WAC: variants seen among roughly 807,000 people sequenced by gnomAD.
The protein encoded by WAC is WW domain containing adaptor with coiled-coil, also known as WW domain-containing adapter protein with coiled-coil.
In WAC, 11 loss-of-function variants were observed where a neutral mutation model predicts 79.6. That is an observed-to-expected ratio of 0.14 (90% confidence interval 0.09 to 0.23). The LOEUF is 0.23. Ranked by LOEUF, WAC falls within the 10% of genes least tolerant of loss-of-function variation. WAC has a pLI of 1.00. For missense variants in WAC, 728 were observed against 773.5 expected (o/e 0.94, Z 0.70); for synonymous variants, 304 against 276.9 (o/e 1.10, Z -0.97).
chr10:28,535,480 A>G, intron 2 of WAC, 82 bp from the exon 3 acceptor site: 2 of 1,427,374 alleles, frequency 1.4e-6, no homozygotes, highest in Admixed American at 2.4e-5. Context: ...TTTAATGATA[A>G]TACACCAAAG....
intron 6 of WAC, among the ~76,000 whole-genome samples, chr10:28,593,006 A>G (rs983011671): frequency 1.3e-5 from 2 of 152,172 alleles, no homozygotes; most frequent in African/African-American, 4.8e-5. Flanking sequence ...GCCTTTTCCT[A>G]CTGTAAACAA....
intron 3 of WAC, among the ~76,000 whole-genome samples, chr10:28,580,707 T>C (rs1839490336): frequency 6.6e-6 from 1 of 152,218 alleles, no homozygotes; most frequent in Non-Finnish European, 1.5e-5. Context: ...CTACTTCTTA[T>C]ATTCAGTTGT....
chr10:28,601,064 G>A (rs189833540), intron 7 of WAC, among the ~76,000 whole-genome samples: 7 of 152,042 alleles, frequency 4.6e-5, no homozygotes, highest in Non-Finnish European at 7.4e-5. Flanking sequence ...CAGAGCACAG[G>A]CAACAAAAGA....
chr10:28,604,442 TACA>T (rs144287182), intron 7 of WAC, among the ~76,000 whole-genome samples: 2,066 of 152,100 alleles, frequency 0.014, 64 homozygotes, highest in East Asian at 0.11. Context: ...CAGAGAAAAG[TACA>T]ACAAGGCCCG....
Position 28,578,083 on chromosome 10 carries a change from C to T in WAC, c.275-5316C>T, listed in dbSNP as rs180805194. ...CTGAGGCACAAGGATCTCTTGAGCCCGGGAGGCAGAGGTTGCAGTGAGTCA... is the reference window on the plus strand; with the variant it reads ...CTGAGGCACAAGGATCTCTTGAGCCTGGGAGGCAGAGGTTGCAGTGAGTCA... On this transcript the variant is annotated intron_variant, in intron 3 of 13. Coordinates refer to ENST00000354911, the MANE Select transcript of WAC (RefSeq NM_016628.5). Among the ~76,000 whole-genome samples the T allele has an allele frequency of 4.2e-3, 639 of 152,194 alleles. 8 individuals are homozygous for T. Among genetic ancestry groups the T allele is most frequent in the Admixed American group, 6.0e-3 (92 of 15,284 alleles).
chr10:28,616,478 C>T, intron 12 of WAC, 116 bp downstream of exon 12: 1 of 891,686 alleles, frequency 1.1e-6, no homozygotes, highest in South Asian at 2.9e-5. Flanking sequence ...AATAATGAAT[C>T]TCTAACTTTG....
chr10:28,580,359 A>G (rs191150081), intron 3 of WAC, among the ~76,000 whole-genome samples: 5 of 152,340 alleles, frequency 3.3e-5, no homozygotes, highest in African/African-American at 7.2e-5. Flanking sequence ...ACTAAAGCGG[A>G]GTGAATTTCT....
chr10:28,566,476 G>T (rs1359871029), intron 3 of WAC, among the ~76,000 whole-genome samples: 1 of 152,168 alleles, frequency 6.6e-6, no homozygotes, highest in Non-Finnish European at 1.5e-5. Context: ...GCTGGATTTG[G>T]TGTACACTGT....
At chr10:28,605,019 T>G (rs993856453) in intron 7 of WAC, among the ~76,000 whole-genome samples, 1 of 152,216 alleles carries the variant, frequency 6.6e-6, no homozygotes, top group African/African-American at 2.4e-5. Context: ...ATAAGAAATA[T>G]GTAAATAACT....
At chr10:28,541,415 G>GTTTTTTTTTTTTTTTTTTT (rs143772149) in intron 3 of WAC, among the ~76,000 whole-genome samples, 5 of 37,904 alleles carry the variant, frequency 1.3e-4, no homozygotes, top group Non-Finnish European at 1.7e-4. Context: ...GTGTGTGTGT[G>GTTTTTTTTTTTTTTTTTTT]TTTTGTTTTT....
At chr10:28,581,123 G>A (rs1332094668) in intron 3 of WAC, among the ~76,000 whole-genome samples, 1 of 151,406 alleles carries the variant, frequency 6.6e-6, no homozygotes, top group African/African-American at 2.4e-5. Flanking sequence ...GATTTGGTGA[G>A]TTATATAGGT....
chr10:28,535,355 G>T, intron 2 of WAC: 21 of 372,850 alleles, frequency 5.6e-5, no homozygotes, highest in Non-Finnish European at 7.7e-5. Flanking sequence ...TGTTTAGTGT[G>T]ATTTGTTATC....
At chr10:28,584,653 C>G (rs933722445) in intron 4 of WAC, among the ~76,000 whole-genome samples, 26 of 152,090 alleles carry the variant, frequency 1.7e-4, no homozygotes, top group African/African-American at 6.3e-4. Context: ...TTTGAGTGAT[C>G]ATCATGTCTT....
chr10:28,621,757 A>G lies in WAC; in HGVS notation c.*2151A>G, dbSNP rs189723466. On this transcript the variant is annotated 3_prime_UTR_variant, in exon 14 of 14. Coordinates refer to ENST00000354911, the MANE Select transcript of WAC (RefSeq NM_016628.5). ...TGTGATTTAGGTAAATTTGAATTTG[A>G]TTTGCTTATAGTCTACTGGTCTGTG... 2.0e-5 allele frequency: 3 copies of G among 152,278 alleles called. No homozygotes were observed. The highest frequency in any genetic ancestry group is 4.4e-5 in the Non-Finnish European group (3 of 68,024). The allele number at this position is 152,278 out of a possible 1,614,324, so 9.4% of individuals were successfully genotyped here.
At chr10:28,603,206 C>T (rs376316180) in intron 7 of WAC, among the ~76,000 whole-genome samples, 3 of 152,098 alleles carry the variant, frequency 2.0e-5, no homozygotes, top group Non-Finnish European at 4.4e-5. Context: ...TTGGTCCACA[C>T]GTAAAATAAA....
At chr10:28,575,329 T>C (rs1287779068) in intron 3 of WAC, among the ~76,000 whole-genome samples, 2 of 152,198 alleles carry the variant, frequency 1.3e-5, no homozygotes, top group Non-Finnish European at 2.9e-5. Context: ...CAATGTTTTG[T>C]TTGTATATAT....
intron 4 of WAC, among the ~76,000 whole-genome samples, chr10:28,587,064 C>T (rs1008666701): frequency 6.6e-6 from 1 of 152,004 alleles, no homozygotes; most frequent in African/African-American, 2.4e-5. Context: ...GAGTTGGAAA[C>T]CAGCCTGGGC....
At chr10:28,549,847 T>G (rs1427529440) in intron 3 of WAC, among the ~76,000 whole-genome samples, 1 of 152,138 alleles carries the variant, frequency 6.6e-6, no homozygotes, top group Admixed American at 6.5e-5. Context: ...CTGGCTTGTA[T>G]AAATATAACT....
rs558383093 is a variant in WAC, at chr10:28,612,633, A to C, written c.1437+711A>C. On this transcript the variant is annotated intron_variant, in intron 10 of 13. Coordinates refer to ENST00000354911, the MANE Select transcript of WAC (RefSeq NM_016628.5). ...TTTGTAAGATATTAAGCAGAAGCCC[A>C]AAAATAAAAATGCATTGAAATATAA... is the stretch of plus-strand genomic sequence containing the variant. Among the ~76,000 whole-genome samples the C allele has an allele frequency of 1.1e-4, 16 of 152,326 alleles. No individual in the cohort carries two copies. In the East Asian group the frequency reaches 2.7e-3, roughly 26 times the overall value.
Sources: gnomAD v4.1 joint callset for allele counts (sites outside exome capture counted in the v4.1 genomes callset) on GRCh38, gnomAD v4.1.1 for gene constraint, MANE v1.5 for transcripts, NCBI Gene and HGNC (gene_info 2026-07-23, HGNC 2026-07-21) for gene names.